PDE1C: variants seen among roughly 807,000 people sequenced by gnomAD.
PDE1C encodes the protein dual specificity calcium/calmodulin-dependent 3',5'-cyclic nucleotide phosphodiesterase 1C.
PDE1C carries 62 observed loss-of-function variants against 93.1 expected under a neutral mutation model. The observed-to-expected ratio is 0.67, with a 90% CI of 0.54 to 0.82. PDE1C has a LOEUF of 0.82. Among genes scored for constraint, PDE1C ranks in the 40% least tolerant of loss-of-function variants. The pLI, the probability that PDE1C is intolerant of heterozygous loss-of-function variation, is 0.00. For synonymous variants in PDE1C, 325 were observed against 310.1 expected, an observed-to-expected ratio of 1.05 and a Z score of -0.50; for missense variants, 742 against 884.6, an observed-to-expected ratio of 0.84 and a Z score of 2.04.
chr7:31,987,263 C>T (rs1366649622), intron 2 of PDE1C, among the ~76,000 whole-genome samples: 1 of 152,136 alleles, frequency 6.6e-6, no homozygotes, highest in Non-Finnish European at 1.5e-5. Context: ...GACAAACAAA[C>T]GATTCTTGAG....
intron 5 of PDE1C, among the ~76,000 whole-genome samples, chr7:31,877,345 C>G (rs1338316399): frequency 1.3e-5 from 2 of 152,072 alleles, no homozygotes; most frequent in East Asian, 3.9e-4. Flanking sequence ...AGGATTTAGC[C>G]CATTTAAACT....
At chr7:31,937,563 G>A (rs1014555103) in intron 2 of PDE1C, among the ~76,000 whole-genome samples, 2 of 152,142 alleles carry the variant, frequency 1.3e-5, no homozygotes, top group Non-Finnish European at 2.9e-5. Context: ...CTTTGGCCAA[G>A]AGGAAGATCC....
At chr7:32,251,355 C>T (rs1585030599) in intron 1 of PDE1C, among the ~76,000 whole-genome samples, 2 of 152,222 alleles carry the variant, frequency 1.3e-5, no homozygotes, top group African/African-American at 2.4e-5. Context: ...CATAAGTGGC[C>T]TAGAGCTGCA....
chr7:32,340,549 G>C (rs976898835), intron 1 of PDE1C, among the ~76,000 whole-genome samples: 2 of 152,126 alleles, frequency 1.3e-5, no homozygotes, highest in African/African-American at 4.8e-5. Context: ...TTATTGTAAG[G>C]AAAGCTATTG....
intron 2 of PDE1C, among the ~76,000 whole-genome samples, chr7:31,890,489 T>C (rs891124352): frequency 6.6e-6 from 1 of 152,202 alleles, no homozygotes; most frequent in Admixed American, 6.5e-5. Flanking sequence ...TTTCCATGTC[T>C]TCATAGTCAA....
chr7:31,827,223 A>G (rs1479351678), intron 12 of PDE1C, among the ~76,000 whole-genome samples: 1 of 152,120 alleles, frequency 6.6e-6, no homozygotes, highest in African/African-American at 2.4e-5. Flanking sequence ...GGCAGTTTTA[A>G]GTTTCCCTGC....
chr7:32,304,143 GGGTCCTC>G (rs1193773170), upstream of PDE1C, among the ~76,000 whole-genome samples: 5 of 151,928 alleles, frequency 3.3e-5, no homozygotes, highest in African/African-American at 1.2e-4. Flanking sequence ...CTAATCTCCC[GGGTCCTC>G]CAGAAAGCAT....
At chr7:32,089,625 A>C (rs765582100) in intron 3 of PDE1C, among the ~76,000 whole-genome samples, 6 of 152,190 alleles carry the variant, frequency 3.9e-5, no homozygotes, top group Non-Finnish European at 7.3e-5. Flanking sequence ...GAACTGCTTC[A>C]ATCATTCATT....
intron 2 of PDE1C, among the ~76,000 whole-genome samples, chr7:32,189,358 A>G (rs1202726939): frequency 3.9e-5 from 6 of 152,252 alleles, no homozygotes; most frequent in Non-Finnish European, 8.8e-5. Context: ...CTTGAGAGGT[A>G]GAAGACAGCA....
intron 2 of PDE1C, among the ~76,000 whole-genome samples, chr7:32,000,592 C>T (rs981907917): frequency 6.6e-6 from 1 of 152,180 alleles, no homozygotes; most frequent in African/African-American, 2.4e-5. Context: ...TCGCAGAACC[C>T]TCTCACCAGC....
chr7:31,988,176 C>T (rs368025481), intron 2 of PDE1C, among the ~76,000 whole-genome samples: 2 of 152,268 alleles, frequency 1.3e-5, no homozygotes, highest in South Asian at 4.2e-4. Flanking sequence ...CTGGGTCAGG[C>T]CCCCCAGTGG....
At chr7:32,078,050 C>T (rs1796450836) in intron 3 of PDE1C, 1 of 984,968 alleles carries the variant, frequency 1.0e-6, no homozygotes, top group East Asian at 1.1e-4. Flanking sequence ...CTTGGCTGTA[C>T]TAATGAAATT....
chr7:32,371,773 C>T (rs1036602304), intron 1 of PDE1C, among the ~76,000 whole-genome samples: 2 of 152,128 alleles, frequency 1.3e-5, no homozygotes, highest in Non-Finnish European at 2.9e-5. Context: ...AGTAATACTC[C>T]CCTGTCAATT....
rs1000656336 is a variant in PDE1C, at chr7:32,209,425, G to A, written c.136+64C>T. 1.1e-5 allele frequency: 14 copies of A among 1,327,218 alleles called. 1 individual carries two copies. The African/African-American group carries it at 1.3e-4, about 13-fold the overall frequency. 82.2% of individuals were successfully genotyped at this position (1,327,218 alleles called of 1,614,324 possible). A position where few individuals can be genotyped will look rare whatever the true frequency, so the allele number is the denominator to read the frequency against. ...AATTGAAGAGCTATACCGCATGGGG[G>A]AAAGATCTCTGGAGAACATTTTCTG... On this transcript the variant is annotated intron_variant, in intron 2 of 18. Transcript: ENST00000396193.
At chr7:32,341,945 C>A (rs186229) in intron 1 of PDE1C, among the ~76,000 whole-genome samples, 75,988 of 151,940 alleles carry the variant, frequency 0.5, 21,933 homozygotes, top group Admixed American at 0.66. Flanking sequence ...AATAATAGCA[C>A]CTACTCATAA....
At chr7:32,327,067 G>A (rs1331038198) in intron 1 of PDE1C, among the ~76,000 whole-genome samples, 2 of 152,092 alleles carry the variant, frequency 1.3e-5, no homozygotes, top group Non-Finnish European at 2.9e-5. Context: ...TTGCTCACAA[G>A]ACACATATGC....
downstream of PDE1C, among the ~76,000 whole-genome samples, chr7:31,747,678 G>A (rs1038692883): frequency 1.3e-5 from 2 of 152,056 alleles, no homozygotes; most frequent in African/African-American, 4.8e-5. Context: ...GAGTTGAGGA[G>A]ATTTTATGGG....
intron 3 of PDE1C, among the ~76,000 whole-genome samples, chr7:32,108,548 G>A (rs555900364): frequency 6.6e-6 from 1 of 152,010 alleles, no homozygotes; most frequent in African/African-American, 2.4e-5. Flanking sequence ...AATTCCAGAA[G>A]AAAATTCTAG....
chr7:32,354,318 C>T (rs1294191026), intron 1 of PDE1C, among the ~76,000 whole-genome samples: 1 of 152,174 alleles, frequency 6.6e-6, no homozygotes, highest in Non-Finnish European at 1.5e-5. Context: ...ACAGAGATCT[C>T]TGCAGTTTTC....
Sources: allele counts gnomAD v4.1 joint callset (sites outside exome capture counted in the v4.1 genomes callset), GRCh38; gene constraint gnomAD v4.1.1; transcripts MANE v1.5; gene names NCBI Gene and HGNC (gene_info 2026-07-23, HGNC 2026-07-21).